The following ENTPD5 variants were observed in gnomAD, a reference collection of about 807,000 sequenced individuals.
ENTPD5 encodes ectonucleoside triphosphate diphosphohydrolase 5 (inactive), also known as nucleoside diphosphate phosphatase ENTPD5.
A neutral mutation model predicts 60.2 loss-of-function variants in ENTPD5; 49 were observed. That is an observed-to-expected ratio of 0.81 (90% CI 0.65 to 1.03). ENTPD5 has a LOEUF of 1.03. Among genes scored for constraint, ENTPD5 ranks in the 50% least tolerant of loss-of-function variants. The pLI, the probability that ENTPD5 is intolerant of heterozygous loss-of-function variation, is 0.00. For missense variants in ENTPD5, 480 were observed against 507.6 expected, an observed-to-expected ratio of 0.95 and a Z score of 0.52; for synonymous variants, 187 against 185.4, an observed-to-expected ratio of 1.01 and a Z score of -0.07.
chr14:74,007,997 A>AT (rs1024012220), intron 3 of ENTPD5, among the ~76,000 whole-genome samples: 3 of 151,220 alleles, frequency 2.0e-5, no homozygotes, highest in Non-Finnish European at 4.4e-5. Context: ...TGCTCAGCTA[A>AT]TTTTTTTGTA....
chr14:74,000,229 G>A (rs1357020052), intron 3 of ENTPD5, among the ~76,000 whole-genome samples: 1 of 151,640 alleles, frequency 6.6e-6, no homozygotes, highest in Non-Finnish European at 1.5e-5. Flanking sequence ...GGCCAAGGCA[G>A]GCAGATTGCT....
downstream of ENTPD5, chr14:73,959,363 T>A: frequency 6.2e-7 from 1 of 1,614,216 alleles, no homozygotes; most frequent in South Asian, 1.1e-5. Flanking sequence ...GCTTGAGAGT[T>A]TCCAAGTGCA....
chr14:73,967,207 C>T (rs888478688), intron 15 of ENTPD5, among the ~76,000 whole-genome samples, 193 bp from the exon 16 acceptor site: 18 of 152,256 alleles, frequency 1.2e-4, no homozygotes, highest in African/African-American at 4.3e-4. Flanking sequence ...TGGCCATTGC[C>T]CCTACACCCA....
downstream of ENTPD5, chr14:73,961,075 AG>A: frequency 7.2e-7 from 1 of 1,390,508 alleles, no homozygotes; most frequent in Non-Finnish European, 9.9e-7. Flanking sequence ...GGGTAGCATT[AG>A]CCTAAGCTTT....
intron 13 of ENTPD5, 143 bp from the exon 14 acceptor site, chr14:73,972,051 T>A (rs1466250436): frequency 3.1e-6 from 2 of 645,498 alleles, no homozygotes; most frequent in Non-Finnish European, 5.5e-6. Context: ...TTCCATGTTA[T>A]GTATATTTAA....
chr14:73,991,861 T>C (rs2058148765), intron 3 of ENTPD5, among the ~76,000 whole-genome samples: 1 of 151,190 alleles, frequency 6.6e-6, no homozygotes, highest in Non-Finnish European at 1.5e-5. Flanking sequence ...TTAAAAATTT[T>C]TTTTTAAATA....
At chr14:73,958,683 A>G, downstream of ENTPD5, 1 of 1,338,466 alleles carries the variant, frequency 7.5e-7, no homozygotes, top group Non-Finnish European at 9.6e-7. Context: ...TGTGTGCCCC[A>G]TACTGAAACT....
intron 3 of ENTPD5, 23 bp downstream of exon 3, chr14:74,011,068 T>G (rs2058833183): frequency 3.6e-6 from 2 of 558,368 alleles, no homozygotes; most frequent in Non-Finnish European, 4.5e-6. Flanking sequence ...AAAAGTGAAG[T>G]ATTACTTATA....
At chr14:73,995,589 A>AATT (rs2058315289) in intron 3 of ENTPD5, among the ~76,000 whole-genome samples, 1 of 77,690 alleles carries the variant, frequency 1.3e-5, no homozygotes, top group Non-Finnish European at 2.4e-5. Context: ...TATCTCAAAT[A>AATT]ATAATAATAA....
At chr14:74,010,633 A>G (rs11849883) in intron 3 of ENTPD5, among the ~76,000 whole-genome samples, 58,757 of 151,802 alleles carry the variant, frequency 0.39, 12,107 homozygotes, top group East Asian at 0.84. Context: ...TTATAGTTCA[A>G]AGTCATGATT....
intron 4 of ENTPD5, 56 bp from the exon 5 acceptor site, chr14:73,986,949 G>T: frequency 1.6e-6 from 2 of 1,271,920 alleles, no homozygotes. Flanking sequence ...AAGTTAGGCT[G>T]CTTCAGATGC....
At chr14:73,975,806 G>A (rs1208668169) in intron 10 of ENTPD5, 130 bp downstream of exon 10, 1 of 701,452 alleles carries the variant, frequency 1.4e-6, no homozygotes, top group Admixed American at 2.7e-5. Context: ...GGTTTCAGTT[G>A]ATAGGCCTTA....
At chr14:73,972,679 TAA>T (rs11320515) in intron 13 of ENTPD5, among the ~76,000 whole-genome samples, 28 of 150,286 alleles carry the variant, frequency 1.9e-4, no homozygotes, top group Admixed American at 6.6e-4. Flanking sequence ...ATAAACATGT[TAA>T]AAAAAAAAAG....
At chr14:73,971,761 A>G (rs1483690900) in intron 14 of ENTPD5, 91 bp downstream of exon 14, 1 of 826,940 alleles carries the variant, frequency 1.2e-6, no homozygotes. Context: ...AGGCCTTCTG[A>G]GCTGACTGAG....
chr14:73,999,917 A>AT (rs1479440502), intron 3 of ENTPD5, among the ~76,000 whole-genome samples: 1 of 150,320 alleles, frequency 6.7e-6, no homozygotes, highest in African/African-American at 2.5e-5. Context: ...ATGAAACCCC[A>AT]TCTCTACCAA....
intron 3 of ENTPD5, among the ~76,000 whole-genome samples, chr14:74,006,445 G>A (rs555219219): frequency 7.9e-5 from 12 of 151,810 alleles, no homozygotes; most frequent in African/African-American, 2.7e-4. Context: ...CGCCACGCCC[G>A]GCTAATTTTT....
intron 5 of ENTPD5, among the ~76,000 whole-genome samples, chr14:73,984,480 A>G (rs987440604): frequency 2.6e-5 from 4 of 152,228 alleles, no homozygotes; most frequent in Non-Finnish European, 4.4e-5. Flanking sequence ...TTCCTGTATC[A>G]TCATATGGCA....
chr14:73,993,748 TC>T (rs2058229268), intron 3 of ENTPD5, among the ~76,000 whole-genome samples: 1 of 151,666 alleles, frequency 6.6e-6, no homozygotes. Context: ...CAGCTTTCCT[TC>T]CTCTGTGTGA....
intron 3 of ENTPD5, among the ~76,000 whole-genome samples, chr14:73,994,730 CAAAA>C (rs752400357): frequency 8.1e-6 from 1 of 123,312 alleles, no homozygotes. Flanking sequence ...GACTCCATCT[CAAAA>C]AAAAAAAAAA....
Sources: gnomAD v4.1 joint callset for allele counts (sites outside exome capture counted in the v4.1 genomes callset) on GRCh38, gnomAD v4.1.1 for gene constraint, MANE v1.5 for transcripts, NCBI Gene and HGNC (gene_info 2026-07-23, HGNC 2026-07-21) for gene names.